The following ZNF683 variants were observed in gnomAD, a reference collection of about 807,000 sequenced individuals.
The protein encoded by ZNF683 is tissue-resident T-cell transcription regulator protein ZNF683.
Under a neutral mutation model 31.4 loss-of-function variants are expected in ZNF683, and 20 were observed. That is an observed-to-expected ratio of 0.64 (90% CI 0.45 to 0.93). The LOEUF (loss-of-function observed/expected upper bound fraction) is 0.93, where lower values mean the gene tolerates loss of function less well. Among genes scored for constraint, ZNF683 ranks in the 40% least tolerant of loss-of-function variants. The pLI is 0.00. For synonymous variants in ZNF683, 264 were observed against 267.6 expected, an observed-to-expected ratio of 0.99 and a Z score of 0.13; for missense variants, 621 against 637.2, an observed-to-expected ratio of 0.97 and a Z score of 0.27.
chr1:26,361,725 G>A lies in ZNF683; in HGVS notation c.1441C>T (p.Gln481Ter). ...AGGCTCACTGCTCTTGCTTTCCCCT[G>A]GGATGTCGAGGACACTTTGACCTCA... is the stretch of plus-strand genomic sequence containing the variant. ...IDEVKVSSTS[Q>*]GKARAVSLSS... The change falls in exon 6 of 6, where the codon CAG (glutamine) becomes TAG (stop). Residue 481 changes from glutamine (Q) to a stop codon, truncating the protein, a stop_gained. Transcript: ENST00000349618. LOFTEE classifies it low-confidence loss of function (END_TRUNC). The A allele has an allele frequency of 6.2e-7, 1 of 1,614,044 alleles. No homozygotes were observed. The highest frequency in any genetic ancestry group is 1.1e-5 in the South Asian group (1 of 91,088).
intron 1 of ZNF683, among the ~76,000 whole-genome samples, chr1:26,370,064 A>G (rs2074633279): frequency 6.6e-6 from 1 of 152,112 alleles, no homozygotes; most frequent in Non-Finnish European, 1.5e-5. Context: ...AGCTCTCCTG[A>G]GAGGAGAGGA....
At chr1:26,369,279 A>G (rs760300920) in intron 1 of ZNF683, among the ~76,000 whole-genome samples, 2 of 151,750 alleles carry the variant, frequency 1.3e-5, no homozygotes, top group African/African-American at 4.8e-5. Context: ...AATAAAAAAT[A>G]AAAGGGAGAC....
Position 26,364,810 on chromosome 1 carries a change from G to A in ZNF683, c.736C>T (p.Pro246Ser), listed in dbSNP as rs762922426. ...AGCAGGGTCTCCCACCGAGCGCTGG[G>A]GTGCCCCAGCTCATTGACCATCATC... ...LLMMVNELGH[P>S]SARWETLLPY... is the part of the protein sequence containing the mutation. The change falls in exon 4 of 6, where the codon CCC (proline) becomes TCC (serine). Residue 246 changes from proline to serine, a missense_variant. Coordinates refer to ENST00000349618, the MANE Select transcript of ZNF683 (RefSeq NM_001114759.3). The A allele has an allele frequency of 7.0e-6, 9 of 1,282,714 alleles. No individual in the cohort carries two copies. The highest frequency in any genetic ancestry group is 7.3e-6 in the Non-Finnish European group (7 of 954,064). The allele number at this position is 1,282,714 out of a possible 1,614,324, so 79.5% of individuals were successfully genotyped here.
chr1:26,364,139 C>CA (rs1417385318), intron 4 of ZNF683, among the ~76,000 whole-genome samples: 2 of 152,128 alleles, frequency 1.3e-5, no homozygotes, highest in African/African-American at 4.8e-5. Flanking sequence ...TCTGACTGCC[C>CA]AAAAAAATAA....
chr1:26,365,016 G>A lies in ZNF683; in HGVS notation c.530C>T (p.Pro177Leu). 1 of 1,586,212 alleles carries A rather than the reference G, an allele frequency of 6.3e-7. No individual in the cohort carries two copies. The highest frequency in any genetic ancestry group is 8.6e-7 in the Non-Finnish European group (1 of 1,168,568). Residue 177 changes from proline (P) to leucine (L), a missense_variant, in exon 4 of 6, where the codon CCT (proline) becomes CTT (leucine). Transcript: ENST00000349618. Reference protein sequence around the residue: ...PSPLAFCPCPPVNSISKELPF... With the variant: ...PSPLAFCPCPLVNSISKELPF... ...GAGCTCCTTGGAGATGGAGTTGACAGGGGGACAGGGGCAGAAAGCCAAGGG... is the reference window on the plus strand; with the variant it reads ...GAGCTCCTTGGAGATGGAGTTGACAAGGGGACAGGGGCAGAAAGCCAAGGG...
At position 26,361,911 on chromosome 1, in the gene ZNF683, T is replaced by C. The variant is rs760259772; in HGVS notation, c.1255A>G (p.Ile419Val). ...AGCCGATGGTGCAGCTTCAGGTGGA[T>C]GTGCTGGGTGAAGCGACTCCGGCAG... Reference protein sequence around the residue: ...SVCRSRFTQHIHLKLHHRLHA... With the variant: ...SVCRSRFTQHVHLKLHHRLHA... The change falls in exon 6 of 6, where the codon ATC becomes GTC. Residue 419 changes from isoleucine (I) to valine (V), a missense_variant. Ile to Val is a conservative substitution (Grantham distance 29). Coordinates refer to ENST00000349618, the MANE Select transcript of ZNF683 (RefSeq NM_001114759.3). 1.9e-6 allele frequency: 3 copies of C among 1,613,826 alleles called. No homozygotes were observed. The highest frequency in any genetic ancestry group is 2.7e-5 in the African/African-American group (2 of 74,912).
chr1:26,370,882 G>A, intron 1 of ZNF683: 1 of 206,264 alleles, frequency 4.8e-6, no homozygotes, highest in Non-Finnish European at 8.5e-6. Context: ...CCTACCTGTG[G>A]CAACTCTGGA....
At position 26,367,745 on chromosome 1, in the gene ZNF683, G is replaced by A. The variant is rs141117905; in HGVS notation, c.167C>T (p.Ser56Phe). Residue 56 changes from serine to phenylalanine, a missense_variant, in exon 3 of 6, where the codon TCC (serine) becomes TTC (phenylalanine). By Grantham distance (155) the Ser-to-Phe change is radical. Coordinates refer to ENST00000349618, the MANE Select transcript of ZNF683 (RefSeq NM_001114759.3). The stretch of plus-strand genomic sequence containing the variant: ...CAAGGGACACAGCCAGCTGGCACAG[G>A]ATGGGCCATGAGCATCCACCATGTC... ...LPDMVDAHGPSCASWLCPLPL... is the reference protein window; with the variant it reads ...LPDMVDAHGPFCASWLCPLPL... The A allele has an allele frequency of 4.5e-5, 73 of 1,609,462 alleles. No individual in the cohort carries two copies. In the African/African-American group the frequency reaches 8.3e-4, roughly 18 times the overall value.
chr1:26,364,705 T>C lies in ZNF683; in HGVS notation c.841A>G (p.Thr281Ala). 6.2e-7 allele frequency: 1 copy of C among 1,613,830 alleles called. No individual in the cohort carries two copies. The highest frequency in any genetic ancestry group is 8.5e-7 in the Non-Finnish European group (1 of 1,179,846). ...ARNPGAGAAP[T>A]DSPGLERGGM... The stretch of plus-strand genomic sequence containing the variant: ...CCACGCTCCAGGCCTGGGGAGTCGG[T>C]TGGGGCAGCTCCAGCACCTGGATTT... Residue 281 changes from threonine (T) to alanine (A), a missense_variant, in exon 4 of 6, where the codon ACC becomes GCC. Physicochemically the swap from Thr to Ala is moderately conservative, Grantham distance 58 (BLOSUM62 0). Transcript: ENST00000349618.
At chr1:26,372,384 C>T (rs2074689302) in intron 1 of ZNF683, 12 of 971,624 alleles carry the variant, frequency 1.2e-5, no homozygotes, top group East Asian at 1.2e-4. Flanking sequence ...TTTTCCCCTA[C>T]ATGAGTCTTG....
intron 4 of ZNF683, 34 bp downstream of exon 4, chr1:26,364,498 T>C (rs751790267): frequency 8.7e-6 from 14 of 1,609,952 alleles, no homozygotes; most frequent in Non-Finnish European, 1.2e-5. Context: ...CTGAAGGATG[T>C]TGAGGGGAGA....
At chr1:26,364,413 C>T (rs1426804470) in intron 4 of ZNF683, 119 bp downstream of exon 4, 26 of 1,146,868 alleles carry the variant, frequency 2.3e-5, no homozygotes, top group Non-Finnish European at 3.3e-5. Context: ...TCACTTGGCC[C>T]TAGAGGTTGC....
At chr1:26,363,275 T>A in intron 4 of ZNF683, 121 bp from the exon 5 acceptor site, 1 of 1,294,666 alleles carries the variant, frequency 7.7e-7, no homozygotes, top group Non-Finnish European at 1.1e-6. Context: ...GGGCCCATCA[T>A]CCCCAGGATA....
At chr1:26,370,558 A>G in intron 1 of ZNF683, 1 of 751,240 alleles carries the variant, frequency 1.3e-6, no homozygotes, top group Non-Finnish European at 1.6e-6. Flanking sequence ...CCAGTGTCTC[A>G]GCCCTCTAAA....
intron 1 of ZNF683, among the ~76,000 whole-genome samples, chr1:26,370,330 G>A (rs2124202157): frequency 6.6e-6 from 1 of 152,252 alleles, no homozygotes; most frequent in African/African-American, 2.4e-5. Flanking sequence ...GCCTGAATGA[G>A]TGGACCAAGC....
chr1:26,363,299 G>T, intron 4 of ZNF683, 145 bp from the exon 5 acceptor site: 2 of 1,147,700 alleles, frequency 1.7e-6, no homozygotes, highest in Non-Finnish European at 2.4e-6. Flanking sequence ...TACTCTTTCT[G>T]CTGCCCTGTA....
Position 26,365,043 on chromosome 1 carries a change from C to G in ZNF683, c.503G>C (p.Ser168Thr), listed in dbSNP as rs1195880525. The change falls in exon 4 of 6, where the codon AGC (serine) becomes ACC (threonine). Residue 168 changes from serine to threonine, a missense_variant. Coordinates refer to ENST00000349618, the MANE Select transcript of ZNF683 (RefSeq NM_001114759.3). ...GGGACAGGGGCAGAAAGCCAAGGGG[C>G]TGGGGCTCTTTCTGTTCTGCAGCGG... is the stretch of plus-strand genomic sequence containing the variant. ...PPPLQNRKSP[S>T]PLAFCPCPPV... The G allele has an allele frequency of 6.2e-7, 1 of 1,600,572 alleles. No individual in the cohort carries two copies. The highest frequency in any genetic ancestry group is 1.7e-5 in the Admixed American group (1 of 57,650).
At chr1:26,365,353 G>T in intron 3 of ZNF683, 127 bp from the exon 4 acceptor site, 2 of 1,003,900 alleles carry the variant, frequency 2.0e-6, no homozygotes, top group Non-Finnish European at 2.8e-6. Flanking sequence ...TTTCTGTAGT[G>T]CTGAACAATT....
In ZNF683 at chr1:26,361,667, T is replaced by C. The variant is rs1459545187; in HGVS notation, c.1499A>G (p.Gln500Arg). The C allele has an allele frequency of 1.2e-6, 2 of 1,612,348 alleles. No homozygotes were observed. Among genetic ancestry groups the C allele is most frequent in the South Asian group, 2.2e-5 (2 of 90,866 alleles). The change falls in exon 6 of 6, where the codon CAG becomes CGG. Residue 500 changes from glutamine (Q) to arginine (R), a missense_variant. Physicochemically the swap from Gln to Arg is conservative, Grantham distance 43 (BLOSUM62 1). Coordinates refer to ENST00000349618, the MANE Select transcript of ZNF683 (RefSeq NM_001114759.3). ...SSAGTPLVMG[Q>R]DQNN is the part of the protein sequence containing the mutation. ...GAAACATTTTTAATTGTTCTGGTCCTGCCCCATCACCAGGGGAGTCCCGGC... is the reference window on the plus strand; with the variant it reads ...GAAACATTTTTAATTGTTCTGGTCCCGCCCCATCACCAGGGGAGTCCCGGC...
Sources: allele counts gnomAD v4.1 joint callset (sites outside exome capture counted in the v4.1 genomes callset), GRCh38; gene constraint gnomAD v4.1.1; transcripts MANE v1.5; gene names NCBI Gene and HGNC (gene_info 2026-07-23, HGNC 2026-07-21).